CDKN2AIP: variants seen among roughly 807,000 people sequenced by gnomAD.
The protein encoded by CDKN2AIP is CDKN2A-interacting protein.
Under a neutral mutation model 44.1 loss-of-function variants are expected in CDKN2AIP, and 12 were observed. That is an observed-to-expected ratio of 0.27 (90% confidence interval 0.17 to 0.44). CDKN2AIP has a LOEUF of 0.44. Ranked by LOEUF, CDKN2AIP falls within the 20% of genes least tolerant of loss-of-function variation. The pLI is 1.00. For synonymous variants in CDKN2AIP, 291 were observed against 272.1 expected (o/e 1.07, Z -0.68); for missense variants, 705 against 681.6 (o/e 1.03, Z -0.38).
rs1432249742 is a variant in CDKN2AIP, at chr4:183,444,967, C to T, written c.170C>T (p.Thr57Met). ...GCTGGCGGCGCTGCCTCCGCTAGCA[C>T]GGATGAAGCTGCCGACGCCGAGAGC... ...APAGGAASAS[T>M]DEAADAESGT... Residue 57 changes from threonine to methionine, a missense_variant, in exon 1 of 3, where the codon ACG becomes ATG. Thr to Met is a moderately conservative substitution (Grantham distance 81). Coordinates refer to ENST00000504169, the MANE Select transcript of CDKN2AIP (RefSeq NM_017632.4). 2 of 1,610,388 alleles carry T rather than the reference C, an allele frequency of 1.2e-6. No individual in the cohort carries two copies. Among genetic ancestry groups the T allele is most frequent in the Admixed American group, 3.3e-5 (2 of 59,932 alleles).
chr4:183,447,407 C>A lies in CDKN2AIP; in HGVS notation c.1723C>A (p.His575Asn). 6.5e-7 allele frequency: 1 copy of A among 1,537,684 alleles called. No homozygotes were observed. The highest frequency in any genetic ancestry group is 8.7e-7 in the Non-Finnish European group (1 of 1,147,900). The change falls in exon 3 of 3, where the codon CAT becomes AAT. Residue 575 changes from histidine (H) to asparagine (N), a missense_variant. Around this residue, in one of 2 missense-constraint regions of CDKN2AIP, gnomAD observed 113 missense variants for 163.6 expected, o/e 0.69. Transcript: ENST00000504169. Reference sequence around the variant, plus strand: ...TGTAAACTTACCTCCAGCACTAAAACATCCTCAAGAATTACTATAATGTGT... The same window carrying A: ...TGTAAACTTACCTCCAGCACTAAAAAATCCTCAAGAATTACTATAATGTGT... ...RPVNLPPALK[H>N]PQELL
In CDKN2AIP at chr4:183,444,908, T is replaced by G. The variant is rs769685708; in HGVS notation, c.111T>G (p.Asp37Glu). The G allele has an allele frequency of 1.2e-6, 2 of 1,609,900 alleles. No individual in the cohort carries two copies. The highest frequency in any genetic ancestry group is 1.1e-5 in the South Asian group (1 of 90,804). ...ETDKHWRHRR[D>E]FLLRNAGDLA... ...ACAAACACTGGCGCCACCGCCGGGA[T>G]TTTTTGCTTCGCAACGCCGGGGACC... The change falls in exon 1 of 3, where the codon GAT becomes GAG. Residue 37 changes from aspartate to glutamate, a missense_variant. Coordinates refer to ENST00000504169, the MANE Select transcript of CDKN2AIP (RefSeq NM_017632.4).
chr4:183,447,503 G>A lies in CDKN2AIP; in HGVS notation c.*76G>A, dbSNP rs1733708731. ...TGACTTTTGTATAGTATAAAACACA[G>A]GCTTTCACAAATTTTGTATTGCTTT... On this transcript the variant is annotated 3_prime_UTR_variant, in exon 3 of 3. Coordinates refer to ENST00000504169, the MANE Select transcript of CDKN2AIP (RefSeq NM_017632.4). The A allele has an allele frequency of 9.5e-7, 1 of 1,048,308 alleles. No individual in the cohort carries two copies. Among genetic ancestry groups the A allele is most frequent in the South Asian group, 2.0e-5 (1 of 49,728 alleles). The allele number at this position is 1,048,308 out of a possible 1,614,324, so 64.9% of individuals were successfully genotyped here. A position where few individuals can be genotyped will look rare whatever the true frequency, so the allele number is the denominator to read the frequency against.
chr4:183,445,997 C>G, intron 2 of CDKN2AIP, 91 bp from the exon 3 acceptor site: 1 of 1,063,158 alleles, frequency 9.4e-7, no homozygotes, highest in Non-Finnish European at 1.4e-6. Context: ...AATGTTTTCA[C>G]TTTGTGCCTT....
At chr4:183,445,394 T>C in intron 1 of CDKN2AIP, 141 bp from the exon 2 acceptor site, 1 of 698,506 alleles carries the variant, frequency 1.4e-6, no homozygotes, top group Non-Finnish European at 2.4e-6. Flanking sequence ...CACTTGTTTA[T>C]GGGGTTCCAG....
intron 1 of CDKN2AIP, 27 bp downstream of exon 1, chr4:183,445,096 C>T (rs768563349): frequency 6.4e-7 from 1 of 1,551,648 alleles, no homozygotes; most frequent in East Asian, 2.3e-5. Flanking sequence ...CCCTAACCAG[C>T]ACGCCTCGTT....
In CDKN2AIP at chr4:183,445,585, AAGTGAC is replaced by A; in HGVS notation, c.326_331del (p.Val109_Thr110del). 2 of 1,609,110 alleles carry A rather than the reference AAGTGAC, an allele frequency of 1.2e-6. No individual in the cohort carries two copies. Among genetic ancestry groups the A allele is most frequent in the Non-Finnish European group, 1.7e-6 (2 of 1,175,392 alleles). ...ATACTTAGTATGGCTGAAGGCATCAAAGTGACAGATGCTCCAACCTATACAACAAGA... is the reference window on the plus strand; with the variant it reads ...ATACTTAGTATGGCTGAAGGCATCAAAGATGCTCCAACCTATACAACAAGA... On this transcript the variant is annotated inframe_deletion, in exon 2 of 3. Transcript: ENST00000504169.
Position 183,447,727 on chromosome 4 carries a change from T to C in CDKN2AIP, c.*300T>C, listed in dbSNP as rs962707156. The C allele has an allele frequency of 5.0e-6, 1 of 201,584 alleles. No individual in the cohort carries two copies. The highest frequency in any genetic ancestry group is 1.0e-5 in the Non-Finnish European group (1 of 100,348). The allele number at this position is 201,584 out of a possible 1,614,324, so 12.5% of individuals were successfully genotyped here. A position where few individuals can be genotyped will look rare whatever the true frequency, so the allele number is the denominator to read the frequency against. ...TGTGTAGTTCGGTAGAGTCCTAAAA[T>C]TTTTGTACTACTTTCAATTTGGTGA... On this transcript the variant is annotated 3_prime_UTR_variant, in exon 3 of 3. Transcript: ENST00000504169.
chr4:183,444,990 A>AATG lies in CDKN2AIP; in HGVS notation c.193_194insATG (p.Ser65delinsAsnGly). On this transcript the variant is annotated protein_altering_variant, in exon 1 of 3. Transcript: ENST00000504169. The stretch of plus-strand genomic sequence containing the variant: ...CACGGATGAAGCTGCCGACGCCGAG[A>AATG]GCGGGACCCGAAACCGGCAGCTGCA... 1 of 1,603,982 alleles carries AATG rather than the reference A, an allele frequency of 6.2e-7. No homozygotes were observed.
At position 183,444,949 on chromosome 4, in the gene CDKN2AIP, G is replaced by A. The variant is rs1733632114; in HGVS notation, c.152G>A (p.Gly51Asp). Residue 51 changes from glycine to aspartate, a missense_variant, in exon 1 of 3, where the codon GGC (glycine) becomes GAC (aspartate). Coordinates refer to ENST00000504169, the MANE Select transcript of CDKN2AIP (RefSeq NM_017632.4). Reference protein sequence around the residue: ...RNAGDLAPAGGAASASTDEAA... With the variant: ...RNAGDLAPAGDAASASTDEAA... ...GCCGGGGACCTGGCCCCCGCTGGCG[G>A]CGCTGCCTCCGCTAGCACGGATGAA... is the stretch of plus-strand genomic sequence containing the variant. 1 of 1,611,474 alleles carries A rather than the reference G, an allele frequency of 6.2e-7. No homozygotes were observed.
At position 183,447,572 on chromosome 4, in the gene CDKN2AIP, CAGT is replaced by C. The variant is rs1733710606; in HGVS notation, c.*148_*150del. The C allele has an allele frequency of 7.1e-6, 4 of 563,278 alleles. No homozygotes were observed. The South Asian group carries it at 1.2e-4, about 17-fold the overall frequency. 34.9% of individuals were successfully genotyped at this position (563,278 alleles called of 1,614,324 possible). A position where few individuals can be genotyped will look rare whatever the true frequency, so the allele number is the denominator to read the frequency against. ...AATTTACATTCTAGTTCTCTTCACACAGTAGCAGTTGTAAATAATTTATGAATG... is the reference window on the plus strand; with the variant it reads ...AATTTACATTCTAGTTCTCTTCACACAGCAGTTGTAAATAATTTATGAATG... On this transcript the variant is annotated 3_prime_UTR_variant, in exon 3 of 3. Transcript: ENST00000504169.
Position 183,444,856 on chromosome 4 carries a change from A to G in CDKN2AIP, c.59A>G (p.Glu20Gly). Residue 20 changes from glutamate to glycine, a missense_variant, in exon 1 of 3, where the codon GAG becomes GGG. Glu to Gly is a moderately conservative substitution (Grantham distance 98). Transcript: ENST00000504169. Reference protein sequence around the residue: ...SQNPRVAAWVEALRCDGETDK... With the variant: ...SQNPRVAAWVGALRCDGETDK... ...AACCCGCGGGTGGCAGCCTGGGTGG[A>G]GGCGCTGCGCTGCGACGGCGAGACT... is the stretch of plus-strand genomic sequence containing the variant. 6.3e-7 allele frequency: 1 copy of G among 1,578,896 alleles called. No individual in the cohort carries two copies. Among genetic ancestry groups the G allele is most frequent in the Non-Finnish European group, 8.6e-7 (1 of 1,162,224 alleles).
At position 183,448,259 on chromosome 4, in the gene CDKN2AIP, CATT is replaced by C. The variant is rs1733725508; in HGVS notation, c.*835_*837del. 6.6e-6 allele frequency: 1 copy of C among 151,936 alleles called. No homozygotes were observed. Among genetic ancestry groups the C allele is most frequent in the Non-Finnish European group, 1.5e-5 (1 of 67,982 alleles). 9.4% of individuals were successfully genotyped at this position (151,936 alleles called of 1,614,324 possible). ...TGCAAATAGGCTTCCCATGACTTGT[CATT>C]ATAAATTAGACAACCAGGTAATTGT... On this transcript the variant is annotated 3_prime_UTR_variant, in exon 3 of 3. Coordinates refer to ENST00000504169, the MANE Select transcript of CDKN2AIP (RefSeq NM_017632.4).
At position 183,447,650 on chromosome 4, in the gene CDKN2AIP, T is replaced by C. The variant is rs1339559274; in HGVS notation, c.*223T>C. 5 of 359,746 alleles carry C rather than the reference T, an allele frequency of 1.4e-5. No homozygotes were observed. The highest frequency in any genetic ancestry group is 2.0e-5 in the Non-Finnish European group (4 of 201,052). 22.3% of individuals were successfully genotyped at this position (359,746 alleles called of 1,614,324 possible). A position where few individuals can be genotyped will look rare whatever the true frequency, so the allele number is the denominator to read the frequency against. On this transcript the variant is annotated 3_prime_UTR_variant, in exon 3 of 3. Coordinates refer to ENST00000504169, the MANE Select transcript of CDKN2AIP (RefSeq NM_017632.4). ...TTAGCAGCATATTAGTATGCTGTTT[T>C]ATTTGCTGAAGAAAATACTGTCTTC...
Position 183,444,675 on chromosome 4 carries a change from T to C in CDKN2AIP, c.-123T>C, listed in dbSNP as rs922023411. Reference sequence around the variant, plus strand: ...CGGCTCTGGGCGCTGTTGTTTGGTCTTTAGGCCTGCGGAGGGGCGTTATCT... The same window carrying C: ...CGGCTCTGGGCGCTGTTGTTTGGTCCTTAGGCCTGCGGAGGGGCGTTATCT... On this transcript the variant is annotated 5_prime_UTR_variant, in exon 1 of 3. Coordinates refer to ENST00000504169, the MANE Select transcript of CDKN2AIP (RefSeq NM_017632.4). The C allele has an allele frequency of 7.0e-6, 7 of 1,001,266 alleles. No homozygotes were observed. In the African/African-American group the frequency reaches 1.0e-4, roughly 15 times the overall value. 62.0% of individuals were successfully genotyped at this position (1,001,266 alleles called of 1,614,324 possible). A position where few individuals can be genotyped will look rare whatever the true frequency, so the allele number is the denominator to read the frequency against.
Position 183,446,818 on chromosome 4 carries a change from G to T in CDKN2AIP, c.1134G>T (p.Gln378His), listed in dbSNP as rs1245786582. 6.2e-7 allele frequency: 1 copy of T among 1,614,074 alleles called. No individual in the cohort carries two copies. Among genetic ancestry groups the T allele is most frequent in the African/African-American group, 1.3e-5 (1 of 74,942 alleles). Reference protein sequence around the residue: ...ASLLASKSSSQTSGSLVSKST... With the variant: ...ASLLASKSSSHTSGSLVSKST... ...TACTAGCTTCCAAGAGCAGCTCCCAGACCAGTGGATCTCTGGTTTCCAAAA... is the reference window on the plus strand; with the variant it reads ...TACTAGCTTCCAAGAGCAGCTCCCATACCAGTGGATCTCTGGTTTCCAAAA... Residue 378 changes from glutamine to histidine, a missense_variant, in exon 3 of 3, where the codon CAG (glutamine) becomes CAT (histidine). Transcript: ENST00000504169.
Position 183,446,778 on chromosome 4 carries a change from A to T in CDKN2AIP, c.1094A>T (p.Gln365Leu). The T allele has an allele frequency of 6.2e-7, 1 of 1,614,148 alleles. No individual in the cohort carries two copies. Among genetic ancestry groups the T allele is most frequent in the Non-Finnish European group, 8.5e-7 (1 of 1,179,994 alleles). Residue 365 changes from glutamine (Q) to leucine (L), a missense_variant, in exon 3 of 3, where the codon CAG (glutamine) becomes CTG (leucine). Gln to Leu is a moderately radical substitution (Grantham distance 113). Coordinates refer to ENST00000504169, the MANE Select transcript of CDKN2AIP (RefSeq NM_017632.4). ...TSLLTSKSTS[Q>L]VAASLLASKS... ...CTGCTAACTTCCAAGAGCACTTCCC[A>T]GGTAGCTGCATCACTACTAGCTTCC...
At position 183,444,698 on chromosome 4, in the gene CDKN2AIP, T is replaced by C; in HGVS notation, c.-100T>C. 2 of 1,262,242 alleles carry C rather than the reference T, an allele frequency of 1.6e-6. No homozygotes were observed. Among genetic ancestry groups the C allele is most frequent in the East Asian group, 2.7e-5 (1 of 36,922 alleles). The allele number at this position is 1,262,242 out of a possible 1,614,324, so 78.2% of individuals were successfully genotyped here. A position where few individuals can be genotyped will look rare whatever the true frequency, so the allele number is the denominator to read the frequency against. ...TCTTTAGGCCTGCGGAGGGGCGTTATCTGGAGGGCCGCGGGTGCAGGCCGC... is the reference window on the plus strand; with the variant it reads ...TCTTTAGGCCTGCGGAGGGGCGTTACCTGGAGGGCCGCGGGTGCAGGCCGC... On this transcript the variant is annotated 5_prime_UTR_variant, in exon 1 of 3. Coordinates refer to ENST00000504169, the MANE Select transcript of CDKN2AIP (RefSeq NM_017632.4).
Position 183,446,908 on chromosome 4 carries a change from G to C in CDKN2AIP, c.1224G>C (p.Gln408His), listed in dbSNP as rs775066417. The C allele has an allele frequency of 1.6e-5, 26 of 1,614,054 alleles. No homozygotes were observed. The highest frequency in any genetic ancestry group is 2.2e-5 in the Non-Finnish European group (26 of 1,180,020). Residue 408 changes from glutamine (Q) to histidine (H), a missense_variant, in exon 3 of 3, where the codon CAG (glutamine) becomes CAC (histidine). Gln to His is a conservative substitution (Grantham distance 24, BLOSUM62 0). This residue lies in a region of CDKN2AIP where 592 missense variants were observed against 518.0 expected (regional missense o/e 1.14). Coordinates refer to ENST00000504169, the MANE Select transcript of CDKN2AIP (RefSeq NM_017632.4). ...GTAGTTCTCAGACTAGCACCTCACA[G>C]TTGCCTTCTAAAAGTACTTCACAGT... Reference protein sequence around the residue: ...SKSSSQTSTSQLPSKSTSQSS... With the variant: ...SKSSSQTSTSHLPSKSTSQSS...
Sources: gnomAD v4.1 joint callset for allele counts on GRCh38, gnomAD v4.1.1 for gene constraint, gnomAD v4.1.1 regional missense constraint, MANE v1.5 for transcripts, NCBI Gene and HGNC (gene_info 2026-07-23, HGNC 2026-07-21) for gene names.